Variants in RAB12 observed in about 807,000 individuals in gnomAD.
RAB12 encodes the protein RAB12, member RAS oncogene family, also known as ras-related protein Rab-12.
In RAB12, 11 loss-of-function variants were observed where a neutral mutation model predicts 28.4. That is an observed-to-expected ratio of 0.39 (90% CI 0.24 to 0.64). RAB12 has a LOEUF of 0.64. Ranked by LOEUF, RAB12 falls within the 30% of genes least tolerant of loss-of-function variation. The pLI, the probability that RAB12 is intolerant of heterozygous loss-of-function variation, is 0.50. For synonymous variants in RAB12, 138 were observed against 145.3 expected (o/e 0.95, Z 0.36); for missense variants, 276 against 351.1 (o/e 0.79, Z 1.71).
At chr18:8,610,087 G>A (rs1234960580) in intron 1 of RAB12, 134 bp downstream of exon 1, 3 of 664,852 alleles carry the variant, frequency 4.5e-6, no homozygotes, top group Admixed American at 3.0e-5. Context: ...AGGGGCGGGG[G>A]TCTCCTTGGA....
intron 1 of RAB12, among the ~76,000 whole-genome samples, chr18:8,612,403 C>T (rs552928679): frequency 9.2e-5 from 14 of 152,312 alleles, no homozygotes; most frequent in East Asian, 1.9e-4. Flanking sequence ...AGTTAGCTCC[C>T]GGGGTTCTTC....
chr18:8,610,038 G>T (rs1444960848), intron 1 of RAB12, 85 bp downstream of exon 1: 4 of 1,057,500 alleles, frequency 3.8e-6, no homozygotes, highest in Non-Finnish European at 5.6e-6. Flanking sequence ...GTCTCATCGA[G>T]CCTGGGAGTC....
At chr18:8,635,364 T>G (rs935647913) in intron 3 of RAB12, 169 bp from the exon 4 acceptor site, 1 of 531,208 alleles carries the variant, frequency 1.9e-6, no homozygotes, top group Non-Finnish European at 3.3e-6. Context: ...CAGTGAGCCC[T>G]GCCTTGCACT....
intron 3 of RAB12, 83 bp downstream of exon 3, chr18:8,633,410 G>A: frequency 6.7e-7 from 1 of 1,483,238 alleles, no homozygotes. Context: ...GGAAACACAT[G>A]TATTGAGCAT....
intron 2 of RAB12, among the ~76,000 whole-genome samples, chr18:8,627,005 C>A (rs2096013106): frequency 6.6e-6 from 1 of 152,172 alleles, no homozygotes; most frequent in South Asian, 2.1e-4. Context: ...ACATAATACT[C>A]AAAATAAGAT....
intron 1 of RAB12, among the ~76,000 whole-genome samples, chr18:8,620,507 C>G (rs321656): frequency 0.34 from 52,068 of 151,680 alleles, 11,423 homozygotes; most frequent in African/African-American, 0.62. Context: ...TCCCCTGTGT[C>G]CTGGGCACCC....
chr18:8,609,486 C>CCGG lies in RAB12; in HGVS notation c.61_63dup (p.Gly21dup), dbSNP rs759399685. ...AGTAGCTGCTTCCCTTCCTCCTCTC[C>CCGG]CGGCGGCGGCGGCGGCAGCGGCGGA... On this transcript the variant is annotated inframe_insertion, in exon 1 of 6. Transcript: ENST00000649141. 367 of 150,882 alleles carry CCGG rather than the reference C, an allele frequency of 2.4e-3. No homozygotes were observed. The highest frequency in any genetic ancestry group is 3.6e-3 in the Non-Finnish European group (243 of 67,490). 9.3% of individuals were successfully genotyped at this position (150,882 alleles called of 1,614,324 possible).
chr18:8,639,000 A>C lies in RAB12; in HGVS notation c.*738A>C, dbSNP rs183236596. The C allele has an allele frequency of 6.6e-6, 1 of 152,272 alleles. No individual in the cohort carries two copies. Among genetic ancestry groups the C allele is most frequent in the East Asian group, 1.9e-4 (1 of 5,188 alleles). The allele number at this position is 152,272 out of a possible 1,614,324, so 9.4% of individuals were successfully genotyped here. On this transcript the variant is annotated 3_prime_UTR_variant, in exon 6 of 6. Coordinates refer to ENST00000649141, the MANE Select transcript of RAB12 (RefSeq NM_001025300.3). The stretch of plus-strand genomic sequence containing the variant: ...TTAAAACACGCTGCTGTCCTAAACA[A>C]ATCCTGTTTAAAGGAATTTTAAAGA...
intron 1 of RAB12, among the ~76,000 whole-genome samples, chr18:8,622,695 G>C (rs549205450): frequency 6.6e-6 from 1 of 151,038 alleles, no homozygotes; most frequent in African/African-American, 2.5e-5. Context: ...GAGAGCAACC[G>C]GTCTGACCCA....
intron 2 of RAB12, among the ~76,000 whole-genome samples, chr18:8,631,647 T>C (rs563745141): frequency 5.3e-5 from 8 of 152,292 alleles, no homozygotes; most frequent in African/African-American, 1.9e-4. Flanking sequence ...GTGTAGTAGA[T>C]TGGGGACTCA....
intron 1 of RAB12, among the ~76,000 whole-genome samples, chr18:8,613,772 C>T (rs2096005148): frequency 2.0e-5 from 3 of 152,064 alleles, no homozygotes; most frequent in Non-Finnish European, 4.4e-5. Context: ...CCAGGCTCTG[C>T]CACTAACTAG....
At chr18:8,619,790 G>A (rs1056028303) in intron 1 of RAB12, among the ~76,000 whole-genome samples, 2 of 152,118 alleles carry the variant, frequency 1.3e-5, no homozygotes, top group Non-Finnish European at 2.9e-5. Flanking sequence ...TGGATATGTT[G>A]GGTATTAGAC....
intron 5 of RAB12, among the ~76,000 whole-genome samples, chr18:8,636,558 T>G (rs1270632744): frequency 6.6e-6 from 1 of 152,252 alleles, no homozygotes; most frequent in Admixed American, 6.5e-5. Flanking sequence ...TCTGGTGTCC[T>G]TGGGGTTGGT....
In RAB12 at chr18:8,609,951, T is replaced by C; in HGVS notation, c.512T>C (p.Val171Ala). 1 of 1,605,628 alleles carries C rather than the reference T, an allele frequency of 6.2e-7. No homozygotes were observed. The highest frequency in any genetic ancestry group is 8.5e-7 in the Non-Finnish European group (1 of 1,176,308). ...TTCTGCGAGGCCTGCAAGTCCACCG[T>C]GGGTAAGGGCGCCACGGCGACCCTG... is the stretch of plus-strand genomic sequence containing the variant. ...DTFCEACKST[V>A]GVDFKIKTVE... is the part of the protein sequence containing the mutation. The change falls in exon 1 of 6, where the codon GTG becomes GCG. Residue 171 changes from valine (V) to alanine (A), a missense_variant and splice_region_variant. Val to Ala is a moderately conservative substitution (Grantham distance 64). Transcript: ENST00000649141.
rs900749059 is a variant in RAB12, at chr18:8,638,814, T to C, written c.*552T>C. 6.5e-6 allele frequency: 1 copy of C among 153,080 alleles called. No homozygotes were observed. Among genetic ancestry groups the C allele is most frequent in the Non-Finnish European group, 1.5e-5 (1 of 68,482 alleles). 9.5% of individuals were successfully genotyped at this position (153,080 alleles called of 1,614,324 possible). On this transcript the variant is annotated 3_prime_UTR_variant, in exon 6 of 6. Transcript: ENST00000649141. ...GTCATGGAAGGTTATTTATTAATGT[T>C]ACATAATGGTAGAATATTACTAGTT... is the stretch of plus-strand genomic sequence containing the variant.
At chr18:8,629,875 G>GC (rs1230440158) in intron 2 of RAB12, among the ~76,000 whole-genome samples, 1 of 152,142 alleles carries the variant, frequency 6.6e-6, no homozygotes, top group Non-Finnish European at 1.5e-5. Context: ...AGAGCCTGTT[G>GC]CCCCCCAGCT....
At chr18:8,636,602 A>G (rs1458832258) in intron 5 of RAB12, among the ~76,000 whole-genome samples, 1 of 152,244 alleles carries the variant, frequency 6.6e-6, no homozygotes, top group Admixed American at 6.5e-5. Flanking sequence ...AAGATACAGC[A>G]GGGTAGACTT....
At position 8,639,192 on chromosome 18, in the gene RAB12, TG is replaced by T. The variant is rs2096021003; in HGVS notation, c.*932del. On this transcript the variant is annotated 3_prime_UTR_variant, in exon 6 of 6. Transcript: ENST00000649141. ...TTTTTTTTTTTTTTTTTTTTTTTTT[TG>T]GTCTGATGATGAATTTGTGAACTCT... The T allele has an allele frequency of 7.4e-6, 1 of 135,186 alleles. No homozygotes were observed. Among genetic ancestry groups the T allele is most frequent in the African/African-American group, 2.8e-5 (1 of 35,436 alleles). 8.4% of individuals were successfully genotyped at this position (135,186 alleles called of 1,614,324 possible).
chr18:8,635,855 G>T, intron 4 of RAB12: 1 of 469,350 alleles, frequency 2.1e-6, no homozygotes, highest in East Asian at 3.6e-5. Flanking sequence ...TATCTAACCT[G>T]ACATTTTATA....
Sources: allele counts gnomAD v4.1 joint callset (sites outside exome capture counted in the v4.1 genomes callset), GRCh38; gene constraint gnomAD v4.1.1; transcripts MANE v1.5; gene names NCBI Gene and HGNC (gene_info 2026-07-23, HGNC 2026-07-21).